PTK2: variants seen among roughly 807,000 people sequenced by gnomAD.
PTK2 encodes the protein protein tyrosine kinase 2.
Under a neutral mutation model 150.1 loss-of-function variants are expected in PTK2, and 45 were observed. The observed-to-expected ratio is 0.30, with a 90% CI of 0.24 to 0.38. The LOEUF is 0.38. Ranked by LOEUF, PTK2 falls within the 10% of genes least tolerant of loss-of-function variation. PTK2 has a pLI of 1.00. For missense variants in PTK2, 919 were observed against 1,307.3 expected, an observed-to-expected ratio of 0.70 and a Z score of 4.58; for synonymous variants, 432 against 449.2, an observed-to-expected ratio of 0.96 and a Z score of 0.48.
chr8:140,959,978 T>C (rs1224894674), intron 1 of PTK2, among the ~76,000 whole-genome samples: 2 of 150,356 alleles, frequency 1.3e-5, no homozygotes, highest in Non-Finnish European at 2.9e-5. Flanking sequence ...GTCACACCAC[T>C]GCACTCCACA....
At chr8:140,936,178 T>C (rs2100173564) in intron 1 of PTK2, among the ~76,000 whole-genome samples, 1 of 152,110 alleles carries the variant, frequency 6.6e-6, no homozygotes, top group Non-Finnish European at 1.5e-5. Flanking sequence ...AAAAATTAAG[T>C]AGGTCAGAAC....
chr8:140,684,548 T>C (rs553556014), intron 27 of PTK2, among the ~76,000 whole-genome samples: 1 of 152,304 alleles, frequency 6.6e-6, no homozygotes, highest in South Asian at 2.1e-4. Context: ...CAAAAATCAG[T>C]AGCATTTCTC....
intron 1 of PTK2, among the ~76,000 whole-genome samples, chr8:140,932,570 G>A (rs1197585005): frequency 6.6e-6 from 1 of 152,060 alleles, no homozygotes; most frequent in East Asian, 1.9e-4. Flanking sequence ...TAGTTTAATT[G>A]AAATAATTAC....
intron 31 of PTK2, among the ~76,000 whole-genome samples, chr8:140,662,018 C>A (rs1467722868): frequency 2.0e-5 from 3 of 152,086 alleles, no homozygotes; most frequent in African/African-American, 7.2e-5. Flanking sequence ...TGATTTAAGG[C>A]CAGGTGTGGT....
chr8:140,979,947 C>T (rs917613794), intron 1 of PTK2, among the ~76,000 whole-genome samples: 4 of 152,224 alleles, frequency 2.6e-5, no homozygotes, highest in South Asian at 2.1e-4. Flanking sequence ...TTATCAGTAG[C>T]GTGAAAACAA....
At chr8:140,845,025 C>T (rs1022306596) in intron 7 of PTK2, among the ~76,000 whole-genome samples, 1 of 152,144 alleles carries the variant, frequency 6.6e-6, no homozygotes, top group African/African-American at 2.4e-5. Context: ...TCCAGTCAGA[C>T]TCTACCTCTG....
chr8:140,692,253 C>T (rs2100023597), intron 26 of PTK2, among the ~76,000 whole-genome samples: 1 of 152,162 alleles, frequency 6.6e-6, no homozygotes, highest in African/African-American at 2.4e-5. Context: ...CATACACGGA[C>T]CTCCTGAATG....
intron 4 of PTK2, among the ~76,000 whole-genome samples, chr8:140,872,379 T>G (rs145621830): frequency 1.1e-3 from 175 of 152,318 alleles, no homozygotes; most frequent in African/African-American, 3.9e-3. Flanking sequence ...CTTTTATGTA[T>G]ACTTTATAGC....
intron 5 of PTK2, 148 bp from the exon 6 acceptor site, chr8:140,846,826 C>T (rs2100125818): frequency 1.7e-6 from 1 of 585,260 alleles, no homozygotes; most frequent in Admixed American, 3.5e-5. Flanking sequence ...ATAAATGTTT[C>T]CTGAGTACCT....
intron 2 of PTK2, among the ~76,000 whole-genome samples, chr8:140,913,318 CAG>C (rs2100163967): frequency 7.6e-6 from 1 of 131,434 alleles, no homozygotes; most frequent in East Asian, 2.2e-4. Context: ...TTTTTTTTGA[CAG>C]AGTCTCACTC....
rs936559069 is a variant in PTK2, at chr8:140,921,035, G to A, written c.-33+4626C>T. On this transcript the variant is annotated intron_variant, in intron 2 of 31. Transcript: ENST00000522684. ...GTTCCCCTGTGTGCTCCTTTTTTCAGAGCTTGAAGCAAAATTTGGAAGGTG... is the reference window on the plus strand; with the variant it reads ...GTTCCCCTGTGTGCTCCTTTTTTCAAAGCTTGAAGCAAAATTTGGAAGGTG... 9 of 1,300,510 alleles carry A rather than the reference G, an allele frequency of 6.9e-6. No homozygotes were observed. The Admixed American group carries it at 1.6e-4, about 23-fold the overall frequency. The allele number at this position is 1,300,510 out of a possible 1,614,324, so 80.6% of individuals were successfully genotyped here.
chr8:140,980,391 G>A (rs905636248), intron 1 of PTK2, among the ~76,000 whole-genome samples: 4 of 152,300 alleles, frequency 2.6e-5, no homozygotes, highest in Admixed American at 1.3e-4. Context: ...GCCGAAGCAG[G>A]CGGATTGGAT....
At chr8:140,995,619 C>T (rs961029871) in intron 1 of PTK2, among the ~76,000 whole-genome samples, 4 of 151,432 alleles carry the variant, frequency 2.6e-5, no homozygotes, top group African/African-American at 9.7e-5. Context: ...CTGCGGAACA[C>T]GGCAAAACCC....
intron 29 of PTK2, 81 bp from the exon 33 acceptor site, chr8:140,669,816 C>A (rs962398042): frequency 2.8e-6 from 4 of 1,416,080 alleles, no homozygotes; most frequent in Admixed American, 2.0e-5. Flanking sequence ...TTAATAAAGG[C>A]ATAAGACAAA....
intron 22 of PTK2, among the ~76,000 whole-genome samples, chr8:140,729,618 A>G (rs910997004): frequency 7.9e-5 from 12 of 152,226 alleles, no homozygotes; most frequent in Admixed American, 5.2e-4. Flanking sequence ...TTGATACTCA[A>G]ACAATGTAAG....
chr8:141,000,127 C>CACACACACACACACACAA (rs58481152), intron 1 of PTK2, among the ~76,000 whole-genome samples: 2 of 123,774 alleles, frequency 1.6e-5, no homozygotes, highest in African/African-American at 5.7e-5. Context: ...ACACACACAC[C>CACACACACACACACACAA]CCTTCTTCTA....
intron 8 of PTK2, among the ~76,000 whole-genome samples, chr8:140,825,372 C>T (rs994730072): frequency 3.9e-5 from 6 of 152,154 alleles, no homozygotes; most frequent in South Asian, 2.1e-4. Context: ...TAGTCATCTG[C>T]TCATCCTAGA....
intron 7 of PTK2, among the ~76,000 whole-genome samples, chr8:140,830,907 T>C (rs2100114980): frequency 1.3e-5 from 2 of 152,144 alleles, no homozygotes; most frequent in Admixed American, 1.3e-4. Flanking sequence ...ACTGTATTTG[T>C]AGAGAAAATA....
intron 5 of PTK2, among the ~76,000 whole-genome samples, chr8:140,849,578 A>T (rs1298949776): frequency 6.6e-6 from 1 of 152,234 alleles, no homozygotes; most frequent in Non-Finnish European, 1.5e-5. Flanking sequence ...TCATTTAATC[A>T]TCAGAACATC....
Sources: gnomAD v4.1 joint callset for allele counts (sites outside exome capture counted in the v4.1 genomes callset) on GRCh38, gnomAD v4.1.1 for gene constraint, MANE v1.5 for transcripts, NCBI Gene and HGNC (gene_info 2026-07-23, HGNC 2026-07-21) for gene names.